The following CENPS variants were observed in gnomAD, a reference collection of about 807,000 sequenced individuals.
The protein encoded by CENPS is FANCM associated histone fold protein 1.
CENPS carries 16 observed loss-of-function variants against 17.9 expected under a neutral mutation model. The observed-to-expected ratio is 0.90, with a 90% CI of 0.61 to 1.36. The LOEUF is 1.36. Among genes scored for constraint, CENPS ranks in the 40% most tolerant of loss-of-function variants. CENPS has a pLI of 0.00. For missense variants in CENPS, 160 were observed against 158.6 expected (o/e 1.01, Z -0.05); for synonymous variants, 49 against 55.8 (o/e 0.88, Z 0.54).
chr1:10,433,923 CAG>C lies in CENPS; in HGVS notation c.135_136del (p.Gln45HisfsTer14). ...ALDKEMQFSK[Q>X]TIAAISELTF... is the part of the protein sequence containing the mutation. ...GGACAAAGAGATGCAGTTCAGCAAA[CAG>C]ACCATTGCGGCCATTTCGGAGCTGA... is the stretch of plus-strand genomic sequence containing the variant. On this transcript the variant is annotated frameshift_variant, in exon 2 of 5. Transcript: ENST00000309048. LOFTEE classifies it high-confidence loss of function. The C allele has an allele frequency of 6.2e-7, 1 of 1,614,220 alleles. No homozygotes were observed. Among genetic ancestry groups the C allele is most frequent in the Non-Finnish European group, 8.5e-7 (1 of 1,180,036 alleles).
At chr1:10,435,806 T>A (rs1056563011) in intron 3 of CENPS, among the ~76,000 whole-genome samples, 10 of 151,926 alleles carry the variant, frequency 6.6e-5, no homozygotes, top group African/African-American at 2.4e-4. Context: ...TGAACTCCTG[T>A]GCTCAAGCAA....
intron 1 of CENPS, 120 bp from the exon 2 acceptor site, chr1:10,433,721 AT>A (rs1206612365): frequency 1.5e-5 from 23 of 1,513,692 alleles, no homozygotes; most frequent in Non-Finnish European, 1.9e-5. Context: ...CCACTCAGCC[AT>A]TATGGAAAGC....
Position 10,430,511 on chromosome 1 carries a change from C to G in CENPS, c.-7C>G. 1 of 1,537,924 alleles carries G rather than the reference C, an allele frequency of 6.5e-7. No individual in the cohort carries two copies. The highest frequency in any genetic ancestry group is 8.8e-7 in the Non-Finnish European group (1 of 1,142,558). On this transcript the variant is annotated 5_prime_UTR_variant, in exon 1 of 5. Transcript: ENST00000309048. ...CTCCTGCGTTTGCCCAGGGTCGGCC[C>G]GCAGTGATGGAGGAGGAGGCGGAGA... is the stretch of plus-strand genomic sequence containing the variant.
intron 4 of CENPS, among the ~76,000 whole-genome samples, chr1:10,440,897 C>T (rs528576455): frequency 6.6e-6 from 1 of 152,230 alleles, no homozygotes; most frequent in Non-Finnish European, 1.5e-5. Context: ...TCATCCCAGG[C>T]TAGTGGCTTT....
intron 1 of CENPS, among the ~76,000 whole-genome samples, chr1:10,431,734 A>G (rs1250027704): frequency 2.0e-5 from 3 of 151,798 alleles, no homozygotes; most frequent in African/African-American, 7.3e-5. Context: ...GGTGCCTGTA[A>G]TCCCAGCTAC....
chr1:10,434,784 C>T, intron 3 of CENPS, 94 bp downstream of exon 3: 2 of 1,457,976 alleles, frequency 1.4e-6, no homozygotes, highest in Non-Finnish European at 1.8e-6. Flanking sequence ...TTTAGCTATT[C>T]AGTTTTCCGT....
chr1:10,434,802 G>A (rs1052230367), intron 3 of CENPS, 112 bp downstream of exon 3: 3 of 1,387,704 alleles, frequency 2.2e-6, no homozygotes, highest in Non-Finnish European at 2.9e-6. Context: ...CGTGTGTTTT[G>A]TGGAGGCTTG....
chr1:10,431,452 T>C (rs1039303190), intron 1 of CENPS: 1 of 1,524,706 alleles, frequency 6.6e-7, no homozygotes, highest in African/African-American at 1.4e-5. Flanking sequence ...AGTTAGCATT[T>C]TGCTCTGTTT....
chr1:10,442,489 G>A lies in CENPS; in HGVS notation c.*84G>A. 1.4e-6 allele frequency: 2 copies of A among 1,397,756 alleles called. No individual in the cohort carries two copies. The highest frequency in any genetic ancestry group is 2.0e-5 in the South Asian group (1 of 48,926). 86.6% of individuals were successfully genotyped at this position (1,397,756 alleles called of 1,614,324 possible). A position where few individuals can be genotyped will look rare whatever the true frequency, so the allele number is the denominator to read the frequency against. ...ATGGCTGCAAAGGAAACTTTGAAGG[G>A]TTAAATAGAGATTTAAAAAAATAAA... On this transcript the variant is annotated 3_prime_UTR_variant, in exon 5 of 5. Transcript: ENST00000309048.
Position 10,431,967 on chromosome 1 carries a change from GCC to G in CENPS, c.51+1403_51+1404del, listed in dbSNP as rs1639940096. On this transcript the variant is annotated intron_variant, in intron 1 of 4. Transcript: ENST00000309048. ...CTCTATTGAATGTGCATTGTCAAGT[GCC>G]CCCACTTGTCCTAAAGATGTTTCTT... 4.1e-5 allele frequency among the ~76,000 whole-genome samples: 6 copies of G among 148,066 alleles called. No individual in the cohort carries two copies. The South Asian group carries it at 1.2e-3, about 31-fold the overall frequency.
chr1:10,431,015 G>C (rs780669636), intron 1 of CENPS: 63 of 1,310,382 alleles, frequency 4.8e-5, no homozygotes, highest in Non-Finnish European at 6.1e-5. Context: ...GACGCGGTGC[G>C]GACCAGTCAG....
intron 1 of CENPS, among the ~76,000 whole-genome samples, chr1:10,432,627 C>T (rs583515): frequency 0.49 from 73,703 of 151,456 alleles, 18,012 homozygotes; most frequent in South Asian, 0.58. Flanking sequence ...CCCAGCCCAG[C>T]CAGGGGGAGG....
chr1:10,440,094 C>G, intron 3 of CENPS: 1 of 513,436 alleles, frequency 1.9e-6, no homozygotes, highest in Non-Finnish European at 3.4e-6. Flanking sequence ...TGTCTGTGCT[C>G]TTATGCTTCG....
At chr1:10,433,189 T>C (rs1280473814) in intron 1 of CENPS, among the ~76,000 whole-genome samples, 3 of 152,262 alleles carry the variant, frequency 2.0e-5, no homozygotes, top group Middle Eastern at 3.4e-3. Context: ...TGTCTTGCAA[T>C]TGAGGCTCAT....
intron 4 of CENPS, among the ~76,000 whole-genome samples, chr1:10,441,313 CTTTTTT>C (rs747986112): frequency 1.1e-4 from 12 of 109,574 alleles, no homozygotes; most frequent in African/African-American, 4.1e-4. Context: ...TGTGCCACAA[CTTTTTT>C]TTTTTTTTTT....
intron 4 of CENPS, 130 bp from the exon 5 acceptor site, chr1:10,442,135 C>G: frequency 8.3e-7 from 1 of 1,206,368 alleles, no homozygotes; most frequent in Non-Finnish European, 1.1e-6. Flanking sequence ...AAATGTAACC[C>G]AGGCTTTGGC....
At chr1:10,430,970 C>G (rs1639881897) in intron 1 of CENPS, 1 of 1,262,966 alleles carries the variant, frequency 7.9e-7, no homozygotes, top group Admixed American at 3.9e-5. Flanking sequence ...GGAACGCTGG[C>G]CCTGGAGGCG....
Position 10,439,740 on chromosome 1 carries a change from C to CA in CENPS, c.210-596dup, listed in dbSNP as rs796807486. On this transcript the variant is annotated intron_variant, in intron 3 of 4. Transcript: ENST00000309048. ...TGGGCGACAGAACGAGACTCTGTCT[C>CA]AAAAAAAAAAAGAAGAAAGAAGGAT... 6.2e-3 allele frequency among the ~76,000 whole-genome samples: 871 copies of CA among 140,994 alleles called. 3 individuals are homozygous for CA. The highest frequency in any genetic ancestry group is 0.018 in the African/African-American group (707 of 38,468). The allele number at this position is 140,994 out of a possible 152,430, so 92.5% of individuals were successfully genotyped here. A position where few individuals can be genotyped will look rare whatever the true frequency, so the allele number is the denominator to read the frequency against.
rs748065363 is a variant in CENPS at position 10,430,480 on chromosome 1, T to A, written c.-38T>A. 6 of 1,531,890 alleles carry A rather than the reference T, an allele frequency of 3.9e-6. No homozygotes were observed. Among genetic ancestry groups the A allele is most frequent in the Non-Finnish European group, 5.3e-6 (6 of 1,140,096 alleles). The allele number at this position is 1,531,890 out of a possible 1,614,324, so 94.9% of individuals were successfully genotyped here. ...CCTGGCCGCGCACCACCGCCCCTTC[T>A]CGGCCCTCCTGCGTTTGCCCAGGGT... is the stretch of plus-strand genomic sequence containing the variant. On this transcript the variant is annotated 5_prime_UTR_variant, in exon 1 of 5. Transcript: ENST00000309048.
Sources: gnomAD v4.1 joint callset for allele counts (sites outside exome capture counted in the v4.1 genomes callset) on GRCh38, gnomAD v4.1.1 for gene constraint, MANE v1.5 for transcripts, NCBI Gene and HGNC (gene_info 2026-07-23, HGNC 2026-07-21) for gene names.